The following LYPLAL1 variants were observed in gnomAD, a reference collection of about 807,000 sequenced individuals.
LYPLAL1 encodes lysophospholipase-like protein 1.
In LYPLAL1, 23 loss-of-function variants were observed where a neutral mutation model predicts 19.7. The observed-to-expected ratio is 1.17, with a 90% confidence interval of 0.84 to 1.65. LYPLAL1 has a LOEUF of 1.65. LYPLAL1 is among the 40% of genes most tolerant of loss of function. LYPLAL1 has a pLI of 0.00. For missense variants in LYPLAL1, 355 were observed against 279.4 expected, an observed-to-expected ratio of 1.27 and a Z score of -1.93; for synonymous variants, 119 against 96.3, an observed-to-expected ratio of 1.24 and a Z score of -1.38.
the LYPLAL1 span, among the ~76,000 whole-genome samples, chr1:219,253,060 T>C: frequency 6.6e-6 from 1 of 152,092 alleles, no homozygotes; most frequent in African/African-American, 2.4e-5. Flanking sequence ...CTAGGTTTTC[T>C]AGTTTGTGTG....
intron 3 of LYPLAL1, 126 bp downstream of exon 3, chr1:219,193,377 A>G (rs1277414379): frequency 1.2e-5 from 7 of 569,172 alleles, no homozygotes; most frequent in African/African-American, 1.9e-5. Context: ...GTTTCAGATA[A>G]ACTTTACATA....
the LYPLAL1 span, among the ~76,000 whole-genome samples, chr1:219,253,535 C>T: frequency 6.6e-6 from 1 of 151,848 alleles, no homozygotes; most frequent in African/African-American, 2.4e-5. Context: ...CATTATTTAC[C>T]CAAAAGTCAT....
At chr1:219,288,552 A>G in the LYPLAL1 span, among the ~76,000 whole-genome samples, 1 of 152,158 alleles carries the variant, frequency 6.6e-6, no homozygotes, top group African/African-American at 2.4e-5. Flanking sequence ...CAGTGAAAAC[A>G]CTCTGTATAA....
the LYPLAL1 span, among the ~76,000 whole-genome samples, chr1:219,315,413 C>T: frequency 6.6e-6 from 1 of 152,032 alleles, no homozygotes; most frequent in Non-Finnish European, 1.5e-5. Flanking sequence ...AAAAAAAACT[C>T]CTCATAAAAA....
chr1:219,348,896 T>G, the LYPLAL1 span, among the ~76,000 whole-genome samples: 13 of 152,220 alleles, frequency 8.5e-5, no homozygotes, highest in Non-Finnish European at 1.5e-4. Flanking sequence ...AATTTACATA[T>G]CTTGGTGATG....
chr1:219,255,642 G>C, the LYPLAL1 span, among the ~76,000 whole-genome samples: 1 of 151,814 alleles, frequency 6.6e-6, no homozygotes, highest in Non-Finnish European at 1.5e-5. Flanking sequence ...TTGCACAGGA[G>C]TGACAAGAGT....
the LYPLAL1 span, among the ~76,000 whole-genome samples, chr1:219,371,277 G>A: frequency 1.3e-5 from 2 of 152,096 alleles, no homozygotes; most frequent in East Asian, 3.9e-4. Context: ...ATCATGTTCT[G>A]GTCCCCACCA....
At chr1:219,391,713 AG>A in the LYPLAL1 span, among the ~76,000 whole-genome samples, 1 of 152,176 alleles carries the variant, frequency 6.6e-6, no homozygotes, top group Non-Finnish European at 1.5e-5. Context: ...ATATTTTTAA[AG>A]CCACTCTATT....
chr1:219,402,718 A>G, the LYPLAL1 span, among the ~76,000 whole-genome samples: 26 of 152,168 alleles, frequency 1.7e-4, no homozygotes, highest in East Asian at 4.6e-3. Context: ...TAAGATTAAG[A>G]AGTACTGAAA....
the LYPLAL1 span, among the ~76,000 whole-genome samples, chr1:219,431,474 T>C: frequency 6.6e-6 from 1 of 152,202 alleles, no homozygotes; most frequent in Non-Finnish European, 1.5e-5. Context: ...CAACCCCTTG[T>C]TGAGGGCATT....
At chr1:219,262,831 T>C in the LYPLAL1 span, among the ~76,000 whole-genome samples, 4 of 152,232 alleles carry the variant, frequency 2.6e-5, no homozygotes, top group Non-Finnish European at 5.9e-5. Flanking sequence ...AGCAGTGAAG[T>C]TGTCACATGG....
chr1:219,242,719 A>C, the LYPLAL1 span, among the ~76,000 whole-genome samples: 3 of 150,456 alleles, frequency 2.0e-5, no homozygotes. Flanking sequence ...TATATATATA[A>C]TTAATATATA....
the LYPLAL1 span, among the ~76,000 whole-genome samples, chr1:219,419,289 C>G: frequency 6.6e-6 from 1 of 152,144 alleles, no homozygotes; most frequent in Non-Finnish European, 1.5e-5. Context: ...TTCAGTTGGT[C>G]CTCAACCAAT....
chr1:219,255,976 ATATT>A, the LYPLAL1 span, among the ~76,000 whole-genome samples: 96 of 151,820 alleles, frequency 6.3e-4, no homozygotes, highest in Non-Finnish European at 1.1e-3. Flanking sequence ...AGCTTGGTTA[ATATT>A]TATTTAGGAA....
the LYPLAL1 span, among the ~76,000 whole-genome samples, chr1:219,260,380 T>C: frequency 6.6e-6 from 1 of 151,736 alleles, no homozygotes; most frequent in African/African-American, 2.4e-5. Flanking sequence ...TTAGATACAG[T>C]GGAATGGTTA....
chr1:219,203,380 A>G (rs927546513), intron 3 of LYPLAL1, among the ~76,000 whole-genome samples: 2 of 152,096 alleles, frequency 1.3e-5, no homozygotes, highest in Non-Finnish European at 2.9e-5. Flanking sequence ...ACTTCTCACT[A>G]AATTTTATTT....
At chr1:219,273,800 T>G in the LYPLAL1 span, among the ~76,000 whole-genome samples, 3 of 152,176 alleles carry the variant, frequency 2.0e-5, no homozygotes, top group Admixed American at 1.3e-4. Context: ...TCGCTCTTGT[T>G]GCCCAGGCTG....
chr1:219,198,099 A>AT (rs776149288), intron 3 of LYPLAL1, among the ~76,000 whole-genome samples: 121 of 152,230 alleles, frequency 7.9e-4, no homozygotes, highest in Admixed American at 2.6e-3. Context: ...GAAAAAGATG[A>AT]TTTTTAAAAA....
At chr1:219,429,597 T>A in the LYPLAL1 span, among the ~76,000 whole-genome samples, 57 of 151,966 alleles carry the variant, frequency 3.8e-4, no homozygotes, top group Non-Finnish European at 6.8e-4. Context: ...GTTGAGGATG[T>A]GGTGAGCTAT....
Sources: gnomAD v4.1 joint callset for allele counts (sites outside exome capture counted in the v4.1 genomes callset) on GRCh38, gnomAD v4.1.1 for gene constraint, MANE v1.5 for transcripts, NCBI Gene and HGNC (gene_info 2026-07-23, HGNC 2026-07-21) for gene names.